CDIN1: variants seen among roughly 807,000 people sequenced by gnomAD.
CDIN1 encodes CDAN1-interacting nuclease 1.
Under a neutral mutation model 45.3 loss-of-function variants are expected in CDIN1, and 33 were observed. That is an observed-to-expected ratio of 0.73 (90% CI 0.55 to 0.97). The LOEUF is 0.97. Ranked by LOEUF, CDIN1 falls within the 50% of genes least tolerant of loss-of-function variation. The pLI is 0.00. For missense variants in CDIN1, 303 were observed against 339.4 expected (o/e 0.89, Z 0.84); for synonymous variants, 118 against 124.4 (o/e 0.95, Z 0.34).
At chr15:36,777,156 G>A (rs2054240089) in intron 10 of CDIN1, among the ~76,000 whole-genome samples, 1 of 152,108 alleles carries the variant, frequency 6.6e-6, no homozygotes, top group African/African-American at 2.4e-5. Flanking sequence ...TACTGGATGT[G>A]TATTTAATAG....
intron 10 of CDIN1, among the ~76,000 whole-genome samples, chr15:36,715,982 T>C (rs1014303787): frequency 6.6e-6 from 1 of 152,200 alleles, no homozygotes; most frequent in Admixed American, 6.5e-5. Context: ...CATCATTCAT[T>C]GGTTTTAACA....
chr15:36,624,948 G>T (rs967589416), intron 1 of CDIN1, among the ~76,000 whole-genome samples: 5 of 152,028 alleles, frequency 3.3e-5, no homozygotes, highest in Non-Finnish European at 7.4e-5. Context: ...ATATTTTTGT[G>T]CAGAAAAAGA....
chr15:36,726,156 G>A (rs2041849), intron 10 of CDIN1, among the ~76,000 whole-genome samples: 80,352 of 152,006 alleles, frequency 0.53, 21,931 homozygotes, highest in East Asian at 0.67. Flanking sequence ...ATTTGTTTTA[G>A]CTCTTCACCT....
At chr15:36,722,303 ATCTCTCTCTC>A (rs5811928) in intron 10 of CDIN1, among the ~76,000 whole-genome samples, 55,653 of 140,648 alleles carry the variant, frequency 0.4, 11,036 homozygotes, top group East Asian at 0.69. Flanking sequence ...TTCTTTTGAG[ATCTCTCTCTC>A]TCTCTCTCTC....
chr15:36,589,673 T>C (rs2037479690), intron 1 of CDIN1, among the ~76,000 whole-genome samples: 2 of 152,040 alleles, frequency 1.3e-5, no homozygotes, highest in Admixed American at 6.5e-5. Context: ...GCCCGGCTAA[T>C]TTTTGTATTT....
chr15:36,746,056 A>G (rs1353323045), intron 10 of CDIN1, among the ~76,000 whole-genome samples: 1 of 152,214 alleles, frequency 6.6e-6, no homozygotes, highest in Non-Finnish European at 1.5e-5. Flanking sequence ...AATTAGAGCG[A>G]AAGGAACAGG....
intron 1 of CDIN1, among the ~76,000 whole-genome samples, chr15:36,615,853 A>C (rs949838716): frequency 6.6e-6 from 1 of 152,208 alleles, no homozygotes; most frequent in Non-Finnish European, 1.5e-5. Flanking sequence ...GGGGCATTAT[A>C]TAATTGTCAG....
intron 8 of CDIN1, among the ~76,000 whole-genome samples, chr15:36,700,961 T>C (rs1198203369): frequency 1.3e-5 from 2 of 151,978 alleles, no homozygotes; most frequent in Non-Finnish European, 1.5e-5. Context: ...TACCAGCTAC[T>C]TGGGAGGCCA....
chr15:36,808,481 G>A lies in CDIN1; in HGVS notation c.*28G>A. On this transcript the variant is annotated 3_prime_UTR_variant, in exon 11 of 11. Coordinates refer to ENST00000566621, the MANE Select transcript of CDIN1 (RefSeq NM_001321759.2). The stretch of plus-strand genomic sequence containing the variant: ...CTGAAGATCCTGGAAGAGAAGCTGG[G>A]AGGAAAAGGTGAATCCGGAAGCAAT... The A allele has an allele frequency of 1.2e-6, 2 of 1,612,120 alleles. No homozygotes were observed. Among genetic ancestry groups the A allele is most frequent in the South Asian group, 1.1e-5 (1 of 90,866 alleles).
chr15:36,604,232 T>C (rs2038244673), intron 1 of CDIN1, among the ~76,000 whole-genome samples: 1 of 151,930 alleles, frequency 6.6e-6, no homozygotes, highest in Non-Finnish European at 1.5e-5. Context: ...CAGCATGAGG[T>C]CTCTGTCATT....
rs1156514805 is a variant in CDIN1 at position 36,800,909 on chromosome 15, G to GTGTATATATATATATA, written c.717-7414_717-7413insGTATATATATATATAT. On this transcript the variant is annotated intron_variant, in intron 10 of 10. Transcript: ENST00000566621. ...TGTGTGTGTGTGTGTGTGTGTGTGT[G>GTGTATATATATATATA]TATATATATATATATATATATATAT... Among the ~76,000 whole-genome samples the GTGTATATATATATATA allele has an allele frequency of 8.0e-3, 178 of 22,348 alleles. 3 individuals are homozygous for GTGTATATATATATATA. Among genetic ancestry groups the GTGTATATATATATATA allele is most frequent in the Non-Finnish European group, 0.015 (125 of 8,554 alleles). The allele number at this position is 22,348 out of a possible 152,430, so 14.7% of individuals were successfully genotyped here. A position where few individuals can be genotyped will look rare whatever the true frequency, so the allele number is the denominator to read the frequency against.
chr15:36,620,038 G>T (rs192496057), intron 1 of CDIN1, among the ~76,000 whole-genome samples: 8 of 152,194 alleles, frequency 5.3e-5, no homozygotes, highest in African/African-American at 1.9e-4. Context: ...CTCAAGGAAA[G>T]AATGGGGTTT....
intron 1 of CDIN1, among the ~76,000 whole-genome samples, chr15:36,587,000 A>G (rs2037332884): frequency 6.6e-6 from 1 of 152,204 alleles, no homozygotes; most frequent in Admixed American, 6.5e-5. Context: ...CTAGTAGACC[A>G]AGCCCTCTGG....
At chr15:36,804,020 G>A (rs1384202709) in intron 10 of CDIN1, among the ~76,000 whole-genome samples, 1 of 152,130 alleles carries the variant, frequency 6.6e-6, no homozygotes, top group Non-Finnish European at 1.5e-5. Context: ...AACTGCCTTG[G>A]TTCTAAAACT....
At chr15:36,589,804 A>C (rs552009405) in intron 1 of CDIN1, among the ~76,000 whole-genome samples, 1 of 152,224 alleles carries the variant, frequency 6.6e-6, no homozygotes, top group Non-Finnish European at 1.5e-5. Flanking sequence ...GCTCCCGGCC[A>C]ACAGTTCTCC....
intron 10 of CDIN1, among the ~76,000 whole-genome samples, chr15:36,782,578 G>C (rs8033760): frequency 6.6e-6 from 1 of 152,136 alleles, no homozygotes; most frequent in East Asian, 1.9e-4. Context: ...AAGAGCTTAC[G>C]AGCAAGCGCA....
chr15:36,603,769 T>C (rs2038223420), intron 1 of CDIN1, among the ~76,000 whole-genome samples: 1 of 152,196 alleles, frequency 6.6e-6, no homozygotes, highest in African/African-American at 2.4e-5. Flanking sequence ...TACAAAAGGC[T>C]GAGTAAAACA....
At chr15:36,660,243 C>A (rs573845294) in intron 5 of CDIN1, among the ~76,000 whole-genome samples, 102 of 152,270 alleles carry the variant, frequency 6.7e-4, no homozygotes, top group African/African-American at 2.4e-3. Context: ...CCTTCCCTGA[C>A]CACACTTTTT....
chr15:36,800,909 GTA>G (rs370036091), intron 10 of CDIN1, among the ~76,000 whole-genome samples: 591 of 22,366 alleles, frequency 0.026, 8 homozygotes, highest in South Asian at 0.047. Context: ...GTGTGTGTGT[GTA>G]TATATATATA....
Sources: gnomAD v4.1 joint callset for allele counts (sites outside exome capture counted in the v4.1 genomes callset) on GRCh38, gnomAD v4.1.1 for gene constraint, MANE v1.5 for transcripts, NCBI Gene and HGNC (gene_info 2026-07-23, HGNC 2026-07-21) for gene names.